C6: variants seen among roughly 807,000 people sequenced by gnomAD.
The protein encoded by C6 is complement component C6.
C6 carries 101 observed loss-of-function variants against 112.9 expected under a neutral mutation model. The observed-to-expected ratio is 0.89, with a 90% CI of 0.76 to 1.06. C6 has a LOEUF of 1.06. Among genes scored for constraint, C6 ranks in the 50% least tolerant of loss-of-function variants. The probability of loss-of-function intolerance (pLI) is 0.00; values close to 1 mark genes in which losing one functional copy is unlikely to be tolerated. For missense variants in C6, 1,202 were observed against 1,104.6 expected (o/e 1.09, Z -1.25); for synonymous variants, 431 against 384.1 (o/e 1.12, Z -1.43).
rs147714195 is a variant in C6, at chr5:41,245,253, T to C, written c.-21+15941A>G. 3.0e-4 allele frequency among the ~76,000 whole-genome samples: 45 copies of C among 152,246 alleles called. 1 individual carries two copies. The East Asian group carries it at 8.5e-3, about 29-fold the overall frequency. On this transcript the variant is annotated intron_variant, in intron 1 of 17. Transcript: ENST00000263413. ...TTCTTCCTTAAAAATTTAACAGCCA[T>C]GTGTGGTGGCTCACGCCTGTAATCC...
intron 17 of C6, among the ~76,000 whole-genome samples, chr5:41,145,875 T>C (rs967701751): frequency 2.6e-5 from 4 of 152,174 alleles, no homozygotes; most frequent in Admixed American, 2.6e-4. Flanking sequence ...AGTATGGATA[T>C]AGCTTAAATG....
intron 6 of C6, among the ~76,000 whole-genome samples, chr5:41,184,180 T>C (rs1302091624): frequency 6.6e-6 from 1 of 152,122 alleles, no homozygotes; most frequent in Non-Finnish European, 1.5e-5. Flanking sequence ...ATTCCAAAAT[T>C]CCTGAAAAGT....
intron 7 of C6, among the ~76,000 whole-genome samples, chr5:41,177,223 A>G (rs1748932122): frequency 1.3e-5 from 2 of 152,150 alleles, no homozygotes; most frequent in African/African-American, 4.8e-5. Context: ...GAGGGCTTGC[A>G]CCTGGTAACA....
intron 1 of C6, among the ~76,000 whole-genome samples, chr5:41,225,229 C>T (rs1171996085): frequency 6.6e-6 from 1 of 152,114 alleles, no homozygotes; most frequent in Non-Finnish European, 1.5e-5. Context: ...CCCAACCCCA[C>T]AACAGGCCCC....
chr5:41,161,808 C>G lies in C6; in HGVS notation c.1343G>C (p.Arg448Thr), dbSNP rs1401668528. The change falls in exon 10 of 18, where the codon AGG becomes ACG. Residue 448 changes from arginine to threonine, a missense_variant. Arg to Thr is a moderately conservative substitution (Grantham distance 71). Transcript: ENST00000337836. Reference protein sequence around the residue: ...EKSISLIRGGRSEYGAALAWE... With the variant: ...EKSISLIRGGTSEYGAALAWE... ...TGCCAAAGCTGCTCCATATTCACTC[C>G]TTCCACCTCGAATCAGGGATATGGA... The G allele has an allele frequency of 6.2e-7, 1 of 1,613,728 alleles. No homozygotes were observed. Among genetic ancestry groups the G allele is most frequent in the Non-Finnish European group, 8.5e-7 (1 of 1,179,710 alleles).
At position 41,186,182 on chromosome 5, in the gene C6, C is replaced by T. The variant is rs748106616; in HGVS notation, c.614G>A (p.Arg205Lys). 5.0e-6 allele frequency: 8 copies of T among 1,613,914 alleles called. No homozygotes were observed. The highest frequency in any genetic ancestry group is 2.2e-5 in the South Asian group (2 of 91,080). ...GAAAGAGTTATCAAGGACTTCTCCTCTGGGCTCTCCTGCCAGAAAATGAAA... is the reference window on the plus strand; with the variant it reads ...GAAAGAGTTATCAAGGACTTCTCCTTTGGGCTCTCCTGCCAGAAAATGAAA... ...NGFHFLAGEP[R>K]GEVLDNSFTG... is the part of the protein sequence containing the mutation. Residue 205 changes from arginine (R) to lysine (K), a missense_variant, in exon 6 of 18, where the codon AGA becomes AAA. Coordinates refer to ENST00000337836, the MANE Select transcript of C6 (RefSeq NM_000065.5).
chr5:41,233,685 A>G (rs1418767203), intron 1 of C6, among the ~76,000 whole-genome samples: 1 of 152,094 alleles, frequency 6.6e-6, no homozygotes, highest in East Asian at 1.9e-4. Flanking sequence ...TGAACAAAAA[A>G]ATAATTGTAG....
chr5:41,260,969 C>T (rs1561213331), intron 1 of C6, among the ~76,000 whole-genome samples: 1 of 152,124 alleles, frequency 6.6e-6, no homozygotes, highest in Non-Finnish European at 1.5e-5. Flanking sequence ...GGTTTGTTTT[C>T]CAAATGTGAA....
intron 5 of C6, among the ~76,000 whole-genome samples, chr5:41,191,357 A>G (rs1750200494): frequency 6.6e-6 from 1 of 151,972 alleles, no homozygotes; most frequent in Admixed American, 6.6e-5. Flanking sequence ...CCAGCACTCC[A>G]GGCCTGTTCT....
In C6 at chr5:41,203,142, G is replaced by A. The variant is rs773497981; in HGVS notation, c.89C>T (p.Thr30Ile). ...AGTTTTTGAGCAGCTGGTCCACTGAGTCCATGCATAGTGATCACAGAAGCA... is the reference window on the plus strand; with the variant it reads ...AGTTTTTGAGCAGCTGGTCCACTGAATCCATGCATAGTGATCACAGAAGCA... ...QACFCDHYAW[T>I]QWTSCSKTCN... The change falls in exon 2 of 18, where the codon ACT becomes ATT. Residue 30 changes from threonine to isoleucine, a missense_variant. Coordinates refer to ENST00000337836, the MANE Select transcript of C6 (RefSeq NM_000065.5). 2 of 1,613,994 alleles carry A rather than the reference G, an allele frequency of 1.2e-6. No homozygotes were observed. Among genetic ancestry groups the A allele is most frequent in the South Asian group, 1.1e-5 (1 of 91,092 alleles).
In C6 at chr5:41,249,291, G is replaced by T. The variant is rs556983187; in HGVS notation, c.-21+11903C>A. Among the ~76,000 whole-genome samples the T allele has an allele frequency of 3.4e-3, 510 of 152,022 alleles. 2 individuals are homozygous for T. The highest frequency in any genetic ancestry group is 0.012 in the African/African-American group (500 of 41,462). On this transcript the variant is annotated intron_variant, in intron 1 of 17. Transcript: ENST00000263413. ...TGCTTTCCCTGAATCTAAAATACAA[G>T]TTGAAATTACATTAAAAAAAAGTCA...
intron 1 of C6, among the ~76,000 whole-genome samples, chr5:41,210,154 G>A (rs1353784476): frequency 6.6e-6 from 1 of 152,150 alleles, no homozygotes; most frequent in Non-Finnish European, 1.5e-5. Context: ...TGGGAAAACT[G>A]GCTAGCCATA....
chr5:41,260,400 C>T (rs1435889964), intron 1 of C6, among the ~76,000 whole-genome samples: 3 of 151,826 alleles, frequency 2.0e-5, no homozygotes, highest in Admixed American at 2.0e-4. Flanking sequence ...CTTTCAGATC[C>T]CTTCTCTTCA....
At chr5:41,225,629 T>C (rs1413982475) in intron 1 of C6, among the ~76,000 whole-genome samples, 2 of 152,192 alleles carry the variant, frequency 1.3e-5, no homozygotes, top group African/African-American at 2.4e-5. Context: ...TCTAGATCCC[T>C]GAGGAATCAC....
At chr5:41,195,706 A>T in intron 5 of C6, 86 bp downstream of exon 5, 1 of 1,362,704 alleles carries the variant, frequency 7.3e-7, no homozygotes. Context: ...AATGAGGAAG[A>T]TGGACAATGA....
At chr5:41,212,827 A>T (rs1388911654) in intron 1 of C6, 1 of 152,192 alleles carries the variant, frequency 6.6e-6, no homozygotes, top group Admixed American at 6.6e-5. Context: ...ATTAAAATGA[A>T]GCCCATCTTA....
At chr5:41,231,217 A>T (rs537018564) in intron 1 of C6, among the ~76,000 whole-genome samples, 195 of 152,264 alleles carry the variant, frequency 1.3e-3, no homozygotes, top group African/African-American at 4.4e-3. Flanking sequence ...TTGAAAGATA[A>T]GGATTTACTT....
chr5:41,153,776 T>G, intron 15 of C6, 34 bp downstream of exon 15: 1 of 1,541,098 alleles, frequency 6.5e-7, no homozygotes, highest in Non-Finnish European at 9.0e-7. Context: ...GTGCACCACC[T>G]TATCAGACCC....
chr5:41,162,976 A>G (rs1747661143), intron 9 of C6, among the ~76,000 whole-genome samples: 1 of 152,124 alleles, frequency 6.6e-6, no homozygotes, highest in Admixed American at 6.6e-5. Flanking sequence ...TCATATTTAG[A>G]TTGATACCAT....
Sources: gnomAD v4.1 joint callset for allele counts (sites outside exome capture counted in the v4.1 genomes callset) on GRCh38, gnomAD v4.1.1 for gene constraint, MANE v1.5 for transcripts, NCBI Gene and HGNC (gene_info 2026-07-23, HGNC 2026-07-21) for gene names.